The following PCDHA12 variants were observed in gnomAD, a reference collection of about 807,000 sequenced individuals.
The protein encoded by PCDHA12 is protocadherin alpha 12, also known as protocadherin alpha-12.
Under a neutral mutation model 60.0 loss-of-function variants are expected in PCDHA12, and 44 were observed. The observed-to-expected ratio is 0.73, with a 90% CI of 0.58 to 0.94. The LOEUF (loss-of-function observed/expected upper bound fraction) is 0.94, where lower values mean the gene tolerates loss of function less well. PCDHA12 is among the 40% of genes least tolerant of loss of function. The pLI, the probability that PCDHA12 is intolerant of heterozygous loss-of-function variation, is 0.00. For synonymous variants in PCDHA12, 569 were observed against 553.0 expected (o/e 1.03, Z -0.40); for missense variants, 1,276 against 1,239.7 (o/e 1.03, Z -0.44).
chr5:140,989,775 C>G (rs1286076429), intron 3 of PCDHA12, among the ~76,000 whole-genome samples: 1 of 152,178 alleles, frequency 6.6e-6, no homozygotes, highest in Non-Finnish European at 1.5e-5. Flanking sequence ...CAAGCACTGG[C>G]TAGAGACTAG....
intron 1 of PCDHA12, chr5:140,966,327 C>A (rs1381846026): frequency 5.1e-6 from 2 of 392,388 alleles, no homozygotes; most frequent in East Asian, 3.6e-5. Flanking sequence ...CCGCTGGGAT[C>A]CGGCAGGTCC....
chr5:140,905,864 A>C (rs265313), intron 1 of PCDHA12, among the ~76,000 whole-genome samples: 7,097 of 152,260 alleles, frequency 0.047, 295 homozygotes, highest in African/African-American at 0.11. Context: ...AACTCACACA[A>C]TCACAAGGCC....
Position 140,900,863 on chromosome 5 carries a change from G to A in PCDHA12, c.2367+23024G>A, listed in dbSNP as rs116648446. 4.1e-3 allele frequency among the ~76,000 whole-genome samples: 626 copies of A among 152,044 alleles called. 2 individuals are homozygous for A. Among genetic ancestry groups the A allele is most frequent in the African/African-American group, 0.014 (595 of 41,452 alleles). Reference sequence around the variant, plus strand: ...AGTTTCCCTTTTTTTCACCTCTCCAGCATTTTTTATTGCCTGTCATTTGGA... The same window carrying A: ...AGTTTCCCTTTTTTTCACCTCTCCAACATTTTTTATTGCCTGTCATTTGGA... On this transcript the variant is annotated intron_variant, in intron 1 of 3. Transcript: ENST00000398631.
chr5:141,000,948 G>C (rs1032144041), intron 3 of PCDHA12, among the ~76,000 whole-genome samples: 3 of 151,774 alleles, frequency 2.0e-5, no homozygotes, highest in Non-Finnish European at 1.5e-5. Flanking sequence ...AAATTATCTT[G>C]CTGTAATTTA....
intron 1 of PCDHA12, among the ~76,000 whole-genome samples, chr5:140,910,538 AT>A: frequency 6.6e-6 from 1 of 152,180 alleles, no homozygotes; most frequent in Non-Finnish European, 1.5e-5. Context: ...TCACAAATCT[AT>A]TTTGCAAAGT....
chr5:140,907,782 G>A (rs1285928394), intron 1 of PCDHA12, among the ~76,000 whole-genome samples: 1 of 152,158 alleles, frequency 6.6e-6, no homozygotes, highest in African/African-American at 2.4e-5. Flanking sequence ...AGGGGTGGCT[G>A]GGGAAAGAGG....
chr5:140,882,081 T>G, intron 1 of PCDHA12: 1 of 985,220 alleles, frequency 1.0e-6, no homozygotes, highest in Non-Finnish European at 1.5e-6. Context: ...ATGGTGTCGC[T>G]CTTCACTGAG....
intron 1 of PCDHA12, among the ~76,000 whole-genome samples, chr5:140,907,969 A>C (rs1355560411): frequency 1.3e-5 from 2 of 152,204 alleles, no homozygotes; most frequent in African/African-American, 4.8e-5. Flanking sequence ...CCAATTTTCC[A>C]ATCATGCTTC....
At chr5:140,972,917 C>T (rs1279060017) in intron 1 of PCDHA12, among the ~76,000 whole-genome samples, 1 of 152,074 alleles carries the variant, frequency 6.6e-6, no homozygotes, top group Non-Finnish European at 1.5e-5. Context: ...CCGCCTTGGC[C>T]TCCCAAAGTG....
At chr5:140,984,945 C>A (rs1316955910) in intron 3 of PCDHA12, among the ~76,000 whole-genome samples, 1 of 149,212 alleles carries the variant, frequency 6.7e-6, no homozygotes, top group Non-Finnish European at 1.5e-5. Flanking sequence ...AATGTCTAAT[C>A]TTTTTTTTTT....
intron 3 of PCDHA12, among the ~76,000 whole-genome samples, chr5:140,986,690 A>G (rs2097209589): frequency 6.6e-6 from 1 of 152,172 alleles, no homozygotes; most frequent in African/African-American, 2.4e-5. Flanking sequence ...AAAGTTTCAA[A>G]ACACACAGCA....
At chr5:140,929,258 T>C (rs1288767035) in intron 1 of PCDHA12, 2 of 1,612,832 alleles carry the variant, frequency 1.2e-6, no homozygotes, top group Non-Finnish European at 1.7e-6. Flanking sequence ...GGGGTAGGAC[T>C]GAATTTGCCA....
chr5:141,008,022 T>C (rs1355928123), intron 3 of PCDHA12, among the ~76,000 whole-genome samples: 3 of 152,226 alleles, frequency 2.0e-5, no homozygotes, highest in Non-Finnish European at 4.4e-5. Context: ...TCCTTTTTTT[T>C]CTTGTTAATC....
rs575141569 is a variant in PCDHA12, at chr5:140,917,876, CT to C, written c.2367+40047del. Among the ~76,000 whole-genome samples, 1,293 of 147,130 alleles carry C rather than the reference CT, an allele frequency of 8.8e-3. 5 individuals carry two copies. Among genetic ancestry groups the C allele is most frequent in the African/African-American group, 0.02 (816 of 40,244 alleles). ...TAGGATTGCTTTGACTATTTGGGCT[CT>C]TTTTTTTTTCCATATGAATGTTAGG... On this transcript the variant is annotated intron_variant, in intron 1 of 3. Coordinates refer to ENST00000398631, the MANE Select transcript of PCDHA12 (RefSeq NM_018903.4).
chr5:140,954,209 T>C (rs2094996699), intron 1 of PCDHA12, among the ~76,000 whole-genome samples: 1 of 152,218 alleles, frequency 6.6e-6, no homozygotes, highest in Non-Finnish European at 1.5e-5. Context: ...GTTGATCCCA[T>C]GTTTTTGCTA....
At position 140,941,202 on chromosome 5, in the gene PCDHA12, C is replaced by CCCTTCTTTCTTTCTTT. The variant is rs2092811279; in HGVS notation, c.2368-37746_2368-37745insCTTCTTTCTTTCTTTC. Among the ~76,000 whole-genome samples, 5 of 122,742 alleles carry CCCTTCTTTCTTTCTTT rather than the reference C, an allele frequency of 4.1e-5. No homozygotes were observed. The East Asian group carries it at 1.1e-3, about 27-fold the overall frequency. 80.5% of individuals were successfully genotyped at this position (122,742 alleles called of 152,430 possible). On this transcript the variant is annotated intron_variant, in intron 1 of 3. Transcript: ENST00000398631. ...TCCTGCTTCTTTTTTTTTCTTTCTTCCTTTCTTTCTTCCTTTCTTTCTTTC... is the reference window on the plus strand; with the variant it reads ...TCCTGCTTCTTTTTTTTTCTTTCTTCCCTTCTTTCTTTCTTTCTTTCTTTCTTCCTTTCTTTCTTTC...
At chr5:140,967,354 C>T in intron 1 of PCDHA12, 1 of 1,607,952 alleles carries the variant, frequency 6.2e-7, no homozygotes, top group South Asian at 1.1e-5. Flanking sequence ...TCGAGCTGGA[C>T]CTTAAGCCCC....
intron 1 of PCDHA12, among the ~76,000 whole-genome samples, chr5:140,936,010 A>G (rs1470244912): frequency 6.6e-6 from 1 of 150,776 alleles, no homozygotes; most frequent in Non-Finnish European, 1.5e-5. Context: ...CTCCCACCTC[A>G]GCCTCCCGAG....
rs189094380 is a variant in PCDHA12 at position 140,918,016 on chromosome 5, T to C, written c.2367+40177T>C. Among the ~76,000 whole-genome samples the C allele has an allele frequency of 1.3e-4, 20 of 152,344 alleles. No individual in the cohort carries two copies. The East Asian group carries it at 3.9e-3, about 29-fold the overall frequency. ...TTATCTTAACAATGTTGTTTCTTCC[T>C]ACCCATGAGCGTGGAAGGTCTTTCC... On this transcript the variant is annotated intron_variant, in intron 1 of 3. Transcript: ENST00000398631.
Sources: gnomAD v4.1 joint callset for allele counts (sites outside exome capture counted in the v4.1 genomes callset) on GRCh38, gnomAD v4.1.1 for gene constraint, MANE v1.5 for transcripts, NCBI Gene and HGNC (gene_info 2026-07-23, HGNC 2026-07-21) for gene names.